Variants in GTF3C5 observed in about 807,000 individuals in gnomAD.
GTF3C5 encodes the protein general transcription factor IIIC subunit 5, also known as general transcription factor 3C polypeptide 5.
A neutral mutation model predicts 61.0 loss-of-function variants in GTF3C5; 47 were observed. The observed-to-expected ratio is 0.77, with a 90% CI of 0.61 to 0.98. GTF3C5 has a LOEUF of 0.98. GTF3C5 is among the 50% of genes least tolerant of loss of function. GTF3C5 has a pLI of 0.00. For synonymous variants in GTF3C5, 295 were observed against 275.4 expected, an observed-to-expected ratio of 1.07 and a Z score of -0.71; for missense variants, 659 against 703.3, an observed-to-expected ratio of 0.94 and a Z score of 0.71.
At position 133,042,083 on chromosome 9, in the gene GTF3C5, A is replaced by G. The variant is rs762613439; in HGVS notation, c.154-4A>G. Reference sequence around the variant, plus strand: ...TCACTCTGTCTCCTTTGGCCTTGCCACAGATCTACGCAGACCCCACCAAGA... The same window carrying G: ...TCACTCTGTCTCCTTTGGCCTTGCCGCAGATCTACGCAGACCCCACCAAGA... On this transcript the variant is annotated splice_polypyrimidine_tract_variant and splice_region_variant and intron_variant, in intron 1 of 10. Coordinates refer to ENST00000372097, the MANE Select transcript of GTF3C5 (RefSeq NM_012087.4). The G allele has an allele frequency of 3.7e-6, 6 of 1,610,618 alleles. No homozygotes were observed. The African/African-American group carries it at 4.0e-5, about 11-fold the overall frequency.
At chr9:133,054,997 G>A in intron 8 of GTF3C5, 188 bp downstream of exon 8, 1 of 1,551,756 alleles carries the variant, frequency 6.4e-7, no homozygotes, top group Non-Finnish European at 8.7e-7. Flanking sequence ...CCAGGGCTGT[G>A]TGTGTTGGGG....
chr9:133,057,209 A>C (rs1476995141), intron 10 of GTF3C5, among the ~76,000 whole-genome samples: 1 of 152,094 alleles, frequency 6.6e-6, no homozygotes, highest in Non-Finnish European at 1.5e-5. Context: ...TGACGCCCTC[A>C]CACCAGCCCA....
At chr9:133,046,141 T>C (rs1242678156) in intron 3 of GTF3C5, among the ~76,000 whole-genome samples, 1 of 151,952 alleles carries the variant, frequency 6.6e-6, no homozygotes, top group Non-Finnish European at 1.5e-5. Flanking sequence ...GCCTGGGCAA[T>C]ATAGCAAGAC....
intron 3 of GTF3C5, among the ~76,000 whole-genome samples, chr9:133,049,691 T>C (rs1393957300): frequency 1.4e-4 from 21 of 152,228 alleles, no homozygotes; most frequent in Admixed American, 1.4e-3. Context: ...TACAAATATT[T>C]TGAGAAATAC....
In GTF3C5 at chr9:133,056,800, G is replaced by A; in HGVS notation, c.1285G>A (p.Glu429Lys). Reference sequence around the variant, plus strand: ...GATCATTCACCGCAATGACGGGGCAGAGAATTCCTGCACAGAACGGGATGG... The same window carrying A: ...GATCATTCACCGCAATGACGGGGCAAAGAATTCCTGCACAGAACGGGATGG... ...QKIIHRNDGA[E>K]NSCTERDGWC... The change falls in exon 10 of 11, where the codon GAG (glutamate) becomes AAG (lysine). Residue 429 changes from glutamate to lysine, a missense_variant. Transcript: ENST00000372097. 6.2e-7 allele frequency: 1 copy of A among 1,610,294 alleles called. No individual in the cohort carries two copies. The highest frequency in any genetic ancestry group is 8.5e-7 in the Non-Finnish European group (1 of 1,178,166).
intron 4 of GTF3C5, among the ~76,000 whole-genome samples, chr9:133,051,414 A>G (rs1169083965): frequency 1.3e-5 from 2 of 151,994 alleles, no homozygotes; most frequent in African/African-American, 4.8e-5. Context: ...CCCCACTGGC[A>G]TGAGCATCAG....
At chr9:133,054,041 A>G in intron 6 of GTF3C5, 99 bp downstream of exon 6, 1 of 865,556 alleles carries the variant, frequency 1.2e-6, no homozygotes, top group Non-Finnish European at 1.8e-6. Context: ...ATTTGGAAAG[A>G]ATAAAAAAAC....
intron 1 of GTF3C5, among the ~76,000 whole-genome samples, chr9:133,041,759 G>A (rs1850046622): frequency 6.6e-6 from 1 of 152,126 alleles, no homozygotes; most frequent in Admixed American, 6.5e-5. Context: ...CCGACCCTGT[G>A]GGGCTGGTCC....
In GTF3C5 at chr9:133,042,394, A is replaced by C. The variant is rs559079474; in HGVS notation, c.373+88A>C. The C allele has an allele frequency of 4.9e-5, 43 of 879,740 alleles. No individual in the cohort carries two copies. In the South Asian group the frequency reaches 6.0e-4, roughly 12 times the overall value. The allele number at this position is 879,740 out of a possible 1,614,324, so 54.5% of individuals were successfully genotyped here. A position where few individuals can be genotyped will look rare whatever the true frequency, so the allele number is the denominator to read the frequency against. On this transcript the variant is annotated intron_variant, in intron 2 of 10. Coordinates refer to ENST00000372097, the MANE Select transcript of GTF3C5 (RefSeq NM_012087.4). The stretch of plus-strand genomic sequence containing the variant: ...AGGAGCTGTGTGGGTCATCTGCACC[A>C]GTGGAGGGGGCCAGGATATGCCCAG...
intron 1 of GTF3C5, among the ~76,000 whole-genome samples, chr9:133,037,296 A>G (rs970260491): frequency 6.6e-6 from 1 of 152,188 alleles, no homozygotes; most frequent in East Asian, 1.9e-4. Flanking sequence ...CAGGGTGAGT[A>G]GTCTGGAATA....
intron 3 of GTF3C5, among the ~76,000 whole-genome samples, chr9:133,044,582 CTT>C (rs1419661110): frequency 1.3e-5 from 2 of 152,194 alleles, no homozygotes; most frequent in Non-Finnish European, 2.9e-5. Context: ...GCCCTCCTCT[CTT>C]TGCCACACTC....
At chr9:133,056,125 G>C (rs1420447756) in intron 9 of GTF3C5, 31 bp downstream of exon 9, 2 of 1,589,192 alleles carry the variant, frequency 1.3e-6, no homozygotes, top group East Asian at 4.5e-5. Flanking sequence ...GAGACACTGA[G>C]GGGGGCCCGT....
chr9:133,052,376 C>T (rs1229918677), intron 5 of GTF3C5, among the ~76,000 whole-genome samples: 2 of 122,840 alleles, frequency 1.6e-5, no homozygotes, highest in Admixed American at 9.0e-5. Context: ...GCACCTCCCC[C>T]GTCCTGGCAC....
In GTF3C5 at chr9:133,054,823, G is replaced by A. The variant is rs763399744; in HGVS notation, c.1167+14G>A. ...TACAAGCTCAAGGTGGGCGCCCCTG[G>A]AGGCCAGGAATGGAGGGGAGGACTT... On this transcript the variant is annotated intron_variant, in intron 8 of 10. Coordinates refer to ENST00000372097, the MANE Select transcript of GTF3C5 (RefSeq NM_012087.4). 1.2e-5 allele frequency: 19 copies of A among 1,558,120 alleles called. No homozygotes were observed. The Middle Eastern group carries it at 5.0e-4, about 41-fold the overall frequency.
chr9:133,057,912 G>T lies in GTF3C5; in HGVS notation c.1492G>T (p.Glu498Ter). The change falls in exon 11 of 11, where the codon GAG becomes TAG. Residue 498 changes from glutamate to a stop codon, truncating the protein, a stop_gained. Transcript: ENST00000372097. LOFTEE classifies it high-confidence loss of function. ...EEDEEEEEEE[E>*]EDFKPSDGSE... Reference sequence around the variant, plus strand: ...GGATGAGGAGGAGGAGGAAGAGGAGGAGGAGGACTTCAAGCCATCCGACGG... The same window carrying T: ...GGATGAGGAGGAGGAGGAAGAGGAGTAGGAGGACTTCAAGCCATCCGACGG... The T allele has an allele frequency of 6.2e-7, 1 of 1,613,968 alleles. No individual in the cohort carries two copies. Among genetic ancestry groups the T allele is most frequent in the Non-Finnish European group, 8.5e-7 (1 of 1,179,992 alleles).
intron 3 of GTF3C5, 194 bp downstream of exon 3, chr9:133,044,120 G>T: frequency 2.6e-6 from 1 of 392,084 alleles, no homozygotes; most frequent in Non-Finnish European, 4.5e-6. Context: ...ACTCCAGCCC[G>T]GGTGACAGAG....
At position 133,037,072 on chromosome 9, in the gene GTF3C5, C is replaced by T. The variant is rs114877013; in HGVS notation, c.154-5015C>T. ...TCTAGAACTTGTTCTAGAATCTGACCGAAGAGGTTAGAGGAGTCTGTGAAG... is the reference window on the plus strand; with the variant it reads ...TCTAGAACTTGTTCTAGAATCTGACTGAAGAGGTTAGAGGAGTCTGTGAAG... On this transcript the variant is annotated intron_variant, in intron 1 of 10. Transcript: ENST00000372097. Among the ~76,000 whole-genome samples the T allele has an allele frequency of 5.1e-3, 773 of 152,050 alleles. 9 individuals are homozygous for T. Among genetic ancestry groups the T allele is most frequent in the African/African-American group, 0.018 (737 of 41,424 alleles).
intron 1 of GTF3C5, among the ~76,000 whole-genome samples, chr9:133,033,714 A>G (rs545846982): frequency 6.6e-6 from 1 of 152,310 alleles, no homozygotes; most frequent in East Asian, 1.9e-4. Flanking sequence ...CCAAGTGGAA[A>G]GGGGACAGTC....
chr9:133,033,571 CAG>C (rs1036371215), intron 1 of GTF3C5, among the ~76,000 whole-genome samples: 8 of 152,140 alleles, frequency 5.3e-5, no homozygotes, highest in Admixed American at 3.3e-4. Context: ...GGATAGCCCT[CAG>C]GGGCTGACCC....
Sources: gnomAD v4.1 joint callset for allele counts (sites outside exome capture counted in the v4.1 genomes callset) on GRCh38, gnomAD v4.1.1 for gene constraint, MANE v1.5 for transcripts, NCBI Gene and HGNC (gene_info 2026-07-23, HGNC 2026-07-21) for gene names.